SOX6: variants seen among roughly 807,000 people sequenced by gnomAD.
SOX6 encodes SRY-box transcription factor 6.
In SOX6, 11 loss-of-function variants were observed where a neutral mutation model predicts 97.8. That is an observed-to-expected ratio of 0.11 (90% CI 0.07 to 0.19). The LOEUF (loss-of-function observed/expected upper bound fraction) is 0.19. Ranked by LOEUF, SOX6 falls within the 10% of genes least tolerant of loss-of-function variation. SOX6 has a pLI of 1.00. For missense variants in SOX6, 810 were observed against 1,039.5 expected, an observed-to-expected ratio of 0.78 and a Z score of 3.04; for synonymous variants, 360 against 371.4, an observed-to-expected ratio of 0.97 and a Z score of 0.35.
At chr11:16,205,415 T>G (rs1179576831) in intron 4 of SOX6, among the ~76,000 whole-genome samples, 1 of 152,122 alleles carries the variant, frequency 6.6e-6, no homozygotes. Context: ...AAAACTTGAG[T>G]GCTCAAGGGA....
intron 3 of SOX6, among the ~76,000 whole-genome samples, chr11:16,671,564 A>G (rs1847847552): frequency 6.6e-6 from 1 of 152,102 alleles, no homozygotes; most frequent in Non-Finnish European, 1.5e-5. Flanking sequence ...TGGAAGACTG[A>G]CTCTCTGAAA....
intron 9 of SOX6, among the ~76,000 whole-genome samples, chr11:16,074,683 T>G (rs1451893101): frequency 1.3e-5 from 2 of 152,128 alleles, no homozygotes; most frequent in African/African-American, 4.8e-5. Context: ...TAATGAGAAT[T>G]ATGAAACACT....
At chr11:16,722,619 C>G (rs1019078110) in intron 2 of SOX6, among the ~76,000 whole-genome samples, 2 of 151,984 alleles carry the variant, frequency 1.3e-5, no homozygotes, top group African/African-American at 4.8e-5. Context: ...CCACTGCACT[C>G]CAGCCTGGGC....
In SOX6 at chr11:16,111,843, T is replaced by C. The variant is rs773445025; in HGVS notation, c.858A>G (p.Gln286=). 4 of 1,613,030 alleles carry C rather than the reference T, an allele frequency of 2.5e-6. No homozygotes were observed. Among genetic ancestry groups the C allele is most frequent in the South Asian group, 1.1e-5 (1 of 91,030 alleles). ...QRTLAAAAAA[Q]QGFLFPPGIT... ...TTCCAGGGGGGAAGAGGAATCCCTG[T>C]TGGGCAGCAGCAGCTGCTGCCAGAG... is the stretch of plus-strand genomic sequence containing the variant. Residue 286 remains glutamine, a synonymous_variant, in exon 7 of 16, where the codon CAA becomes CAG. Transcript: ENST00000683767.
At chr11:16,324,547 T>C (rs1184035686) in intron 2 of SOX6, among the ~76,000 whole-genome samples, 1 of 152,164 alleles carries the variant, frequency 6.6e-6, no homozygotes, top group Non-Finnish European at 1.5e-5. Context: ...TAGTTCAAAG[T>C]ATATTAATAA....
At chr11:16,484,444 G>A (rs1385545786) in intron 4 of SOX6, 3 of 796,246 alleles carry the variant, frequency 3.8e-6, no homozygotes, top group Non-Finnish European at 6.9e-6. Flanking sequence ...ACAGCTTACT[G>A]ACAATGAAGA....
At chr11:16,636,368 T>G (rs545167039) in intron 3 of SOX6, among the ~76,000 whole-genome samples, 50 of 152,328 alleles carry the variant, frequency 3.3e-4, no homozygotes, top group African/African-American at 1.1e-3. Flanking sequence ...GCCTCTTCGT[T>G]TTGGTCAATT....
chr11:16,054,678 G>T (rs1418322262), intron 10 of SOX6, among the ~76,000 whole-genome samples: 1 of 152,092 alleles, frequency 6.6e-6, no homozygotes, highest in East Asian at 1.9e-4. Flanking sequence ...GTTGGTCTCA[G>T]CTGTTTCCCT....
At chr11:16,583,618 T>TACACACACACAC (rs1746841700) in intron 4 of SOX6, among the ~76,000 whole-genome samples, 1 of 126,012 alleles carries the variant, frequency 7.9e-6, no homozygotes, top group East Asian at 2.2e-4. Flanking sequence ...TATATACATA[T>TACACACACACAC]ATATATATAT....
At chr11:16,545,148 C>A (rs1807281046) in intron 4 of SOX6, among the ~76,000 whole-genome samples, 1 of 151,384 alleles carries the variant, frequency 6.6e-6, no homozygotes, top group Admixed American at 6.6e-5. Context: ...AATGACATAG[C>A]AATAGAAATG....
At chr11:16,498,683 A>T (rs1860651521) in intron 4 of SOX6, among the ~76,000 whole-genome samples, 1 of 152,220 alleles carries the variant, frequency 6.6e-6, no homozygotes, top group African/African-American at 2.4e-5. Flanking sequence ...AACAGACTTT[A>T]AACCAACAAA....
At chr11:16,215,297 G>C (rs1356257306) in intron 4 of SOX6, among the ~76,000 whole-genome samples, 1 of 152,124 alleles carries the variant, frequency 6.6e-6, no homozygotes, top group Non-Finnish European at 1.5e-5. Flanking sequence ...GTGAGATAAA[G>C]GCTATGGGAA....
chr11:16,501,267 C>G lies in SOX6; in HGVS notation n.610-24879G>C, dbSNP rs530774576. 8.6e-3 allele frequency among the ~76,000 whole-genome samples: 1,314 copies of G among 152,250 alleles called. 11 individuals are homozygous for G. Among genetic ancestry groups the G allele is most frequent in the Non-Finnish European group, 0.011 (733 of 68,020 alleles). On this transcript the variant is annotated intron_variant and non_coding_transcript_variant, in intron 4 of 5. Coordinates refer to the SOX6 transcript ENST00000524520. ...AAACTGGCTAGCCATATGTAGAAAG[C>G]TTAAACTGGATCCCTTCCTTACACC...
chr11:16,278,207 C>T (rs981819431), intron 3 of SOX6, among the ~76,000 whole-genome samples: 46 of 152,140 alleles, frequency 3.0e-4, no homozygotes, highest in Middle Eastern at 3.4e-3. Context: ...TGCCAAATAA[C>T]GTTTTTTTAA....
At chr11:16,728,835 A>T (rs908382005) in intron 2 of SOX6, among the ~76,000 whole-genome samples, 7 of 152,188 alleles carry the variant, frequency 4.6e-5, no homozygotes, top group Non-Finnish European at 8.8e-5. Context: ...AGAACCCTGA[A>T]AAAAGGTTAG....
chr11:16,496,851 T>C (rs1280236918), intron 4 of SOX6, among the ~76,000 whole-genome samples: 1 of 152,138 alleles, frequency 6.6e-6, no homozygotes, highest in Non-Finnish European at 1.5e-5. Flanking sequence ...CCACCGCAGG[T>C]CAAGGAGGCC....
At chr11:16,401,332 AG>A (rs1565132386) in intron 1 of SOX6, among the ~76,000 whole-genome samples, 1 of 151,456 alleles carries the variant, frequency 6.6e-6, no homozygotes, top group East Asian at 1.9e-4. Flanking sequence ...TGTTTTTGAC[AG>A]GGAAAAAAAT....
intron 4 of SOX6, among the ~76,000 whole-genome samples, chr11:16,523,668 A>C (rs1260265221): frequency 1.3e-5 from 2 of 152,028 alleles, no homozygotes; most frequent in African/African-American, 2.4e-5. Context: ...CACAAAAAAC[A>C]CTTCAAAAAA....
chr11:16,369,139 T>A (rs972104499), intron 1 of SOX6, among the ~76,000 whole-genome samples: 10 of 152,012 alleles, frequency 6.6e-5, no homozygotes, highest in Non-Finnish European at 1.5e-4. Context: ...ATGTTCAAGA[T>A]CATCAGTCAT....
Sources: allele counts gnomAD v4.1 joint callset (sites outside exome capture counted in the v4.1 genomes callset), GRCh38; gene constraint gnomAD v4.1.1; transcripts MANE v1.5; gene names NCBI Gene and HGNC (gene_info 2026-07-23, HGNC 2026-07-21).